Variants in FAM110B observed in about 807,000 individuals in gnomAD.
FAM110B encodes family with sequence similarity 110 member B.
FAM110B carries 6 observed loss-of-function variants against 20.4 expected under a neutral mutation model. That is an observed-to-expected ratio of 0.29 (90% CI 0.16 to 0.58). The LOEUF (loss-of-function observed/expected upper bound fraction) is 0.58. FAM110B is among the 20% of genes least tolerant of loss of function. FAM110B has a pLI of 0.90. For synonymous variants in FAM110B, 226 were observed against 214.1 expected (o/e 1.06, Z -0.49); for missense variants, 434 against 498.2 (o/e 0.87, Z 1.23).
intron 3 of FAM110B, among the ~76,000 whole-genome samples, chr8:58,129,341 G>A (rs1807593990): frequency 6.6e-6 from 1 of 152,206 alleles, no homozygotes; most frequent in Non-Finnish European, 1.5e-5. Flanking sequence ...CTGGCTAAAT[G>A]TCTTCCAAAG....
chr8:58,077,688 A>G (rs183571053), intron 3 of FAM110B, among the ~76,000 whole-genome samples: 1 of 152,230 alleles, frequency 6.6e-6, no homozygotes. Context: ...TAGGTACACA[A>G]GAAGGGGTAG....
At chr8:58,083,560 A>G (rs768693919) in intron 3 of FAM110B, among the ~76,000 whole-genome samples, 29 of 152,194 alleles carry the variant, frequency 1.9e-4, no homozygotes, top group Non-Finnish European at 3.4e-4. Flanking sequence ...AGATTCAATT[A>G]TTTGTGATTG....
At chr8:58,076,795 A>T (rs1435090601) in intron 3 of FAM110B, among the ~76,000 whole-genome samples, 1 of 152,214 alleles carries the variant, frequency 6.6e-6, no homozygotes, top group East Asian at 1.9e-4. Context: ...CTCAGTGCCC[A>T]CATTCTGAGT....
chr8:58,103,685 C>T (rs901083189), intron 3 of FAM110B, among the ~76,000 whole-genome samples: 2 of 152,142 alleles, frequency 1.3e-5, no homozygotes, highest in African/African-American at 2.4e-5. Context: ...CCTGGCATTC[C>T]ATACAGCATA....
chr8:58,080,148 C>T (rs1563362396), intron 3 of FAM110B, among the ~76,000 whole-genome samples: 2 of 152,174 alleles, frequency 1.3e-5, no homozygotes, highest in African/African-American at 4.8e-5. Flanking sequence ...GGTATAAAGC[C>T]CAAGTCTACC....
intron 3 of FAM110B, among the ~76,000 whole-genome samples, chr8:58,106,766 G>A (rs928770181): frequency 4.6e-5 from 7 of 152,262 alleles, no homozygotes; most frequent in African/African-American, 1.4e-4. Context: ...AGATGCTCAC[G>A]CCATACTGTA....
At chr8:58,038,377 C>T (rs1805130750) in intron 2 of FAM110B, among the ~76,000 whole-genome samples, 1 of 152,144 alleles carries the variant, frequency 6.6e-6, no homozygotes, top group Admixed American at 6.5e-5. Flanking sequence ...CCTTGATTTT[C>T]AGAGGAGAAA....
intron 2 of FAM110B, among the ~76,000 whole-genome samples, chr8:58,034,099 G>A (rs1324252479): frequency 6.6e-6 from 1 of 152,184 alleles, no homozygotes; most frequent in East Asian, 1.9e-4. Flanking sequence ...CAGTAGTCCA[G>A]AGCCTACTAT....
intron 3 of FAM110B, among the ~76,000 whole-genome samples, chr8:58,108,005 C>T (rs1806963226): frequency 6.6e-6 from 1 of 152,164 alleles, no homozygotes; most frequent in African/African-American, 2.4e-5. Flanking sequence ...AATGTAACGT[C>T]CCAATCCATT....
rs1305082449 is a variant in FAM110B at position 58,148,597 on chromosome 8, T to TAC, written c.*1256_*1257dup. On this transcript the variant is annotated 3_prime_UTR_variant, in exon 4 of 4. Transcript: ENST00000519262. ...TGATGTGGCAGCAGAGAGGGAAACC[T>TAC]ACAAGTGGTTTGCCTCATTGCCTTT... The TAC allele has an allele frequency of 3.0e-5, 5 of 167,142 alleles. No individual in the cohort carries two copies. The highest frequency in any genetic ancestry group is 1.2e-4 in the African/African-American group (5 of 41,478). 10.4% of individuals were successfully genotyped at this position (167,142 alleles called of 1,614,324 possible).
chr8:58,025,336 G>A (rs567048416), intron 1 of FAM110B, among the ~76,000 whole-genome samples: 1 of 152,086 alleles, frequency 6.6e-6, no homozygotes, highest in African/African-American at 2.4e-5. Flanking sequence ...GGAGACAGGG[G>A]TATTATTTCA....
At chr8:58,117,422 G>A (rs902771136) in intron 3 of FAM110B, among the ~76,000 whole-genome samples, 1 of 152,142 alleles carries the variant, frequency 6.6e-6, no homozygotes, top group African/African-American at 2.4e-5. Context: ...GCCAAAAGTG[G>A]GGATGGCAAA....
At chr8:58,138,475 A>G (rs1270494172) in intron 3 of FAM110B, among the ~76,000 whole-genome samples, 2 of 152,166 alleles carry the variant, frequency 1.3e-5, no homozygotes, top group Non-Finnish European at 2.9e-5. Context: ...GACTGGAGGT[A>G]TAAGCCAGTT....
chr8:58,075,287 G>GTGTGTGTGTGTA (rs1806010199), intron 2 of FAM110B, among the ~76,000 whole-genome samples: 1 of 149,662 alleles, frequency 6.7e-6, no homozygotes, highest in African/African-American at 2.5e-5. Context: ...GTGTGTGTGT[G>GTGTGTGTGTGTA]TGTGTGTGTT....
rs1030293351 is a variant in FAM110B, at chr8:58,059,540, T to A, written c.-413-15995T>A. The stretch of plus-strand genomic sequence containing the variant: ...GAGTACTTTTTCATATACTTACAGA[T>A]CATTTGTGTTTGTGAAGTGTCTGTT... On this transcript the variant is annotated intron_variant, in intron 2 of 3. Transcript: ENST00000519262. Among the ~76,000 whole-genome samples the A allele has an allele frequency of 4.6e-5, 7 of 152,164 alleles. No homozygotes were observed. The South Asian group carries it at 1.5e-3, about 32-fold the overall frequency.
At chr8:58,002,652 T>C (rs1209478058) in intron 1 of FAM110B, among the ~76,000 whole-genome samples, 1 of 152,246 alleles carries the variant, frequency 6.6e-6, no homozygotes, top group South Asian at 2.1e-4. Flanking sequence ...GTGAGTCACT[T>C]GAATTTTTTG....
chr8:58,073,376 C>T (rs1265163370), intron 2 of FAM110B, among the ~76,000 whole-genome samples: 2 of 152,130 alleles, frequency 1.3e-5, no homozygotes, highest in Non-Finnish European at 2.9e-5. Context: ...AGAGATGGTA[C>T]CCAATCCAGA....
intron 1 of FAM110B, among the ~76,000 whole-genome samples, chr8:58,004,125 C>G (rs918453050): frequency 3.9e-5 from 6 of 152,138 alleles, no homozygotes; most frequent in African/African-American, 1.4e-4. Context: ...AACCCAGATC[C>G]CTTGCATGCA....
chr8:58,052,151 C>T (rs543844455), intron 2 of FAM110B, among the ~76,000 whole-genome samples: 4 of 152,178 alleles, frequency 2.6e-5, no homozygotes, highest in African/African-American at 4.8e-5. Flanking sequence ...ACAGGGAACA[C>T]GTAAAATGCT....
Sources: allele counts gnomAD v4.1 joint callset (sites outside exome capture counted in the v4.1 genomes callset), GRCh38; gene constraint gnomAD v4.1.1; transcripts MANE v1.5; gene names NCBI Gene and HGNC (gene_info 2026-07-23, HGNC 2026-07-21).